The following RAMP1 variants were observed in gnomAD, a reference collection of about 807,000 sequenced individuals.
RAMP1 encodes receptor activity modifying protein 1.
A neutral mutation model predicts 8.2 loss-of-function variants in RAMP1; 7 were observed. The observed-to-expected ratio is 0.85, with a 90% CI of 0.49 to 1.60. The LOEUF is 1.60. Among genes scored for constraint, RAMP1 ranks in the 40% most tolerant of loss-of-function variants. RAMP1 has a pLI of 0.00. For synonymous variants in RAMP1, 92 were observed against 84.7 expected, an observed-to-expected ratio of 1.09 and a Z score of -0.47; for missense variants, 192 against 202.4, an observed-to-expected ratio of 0.95 and a Z score of 0.31.
rs1398577876 is a variant in RAMP1, at chr2:237,865,558, G to A, written c.52+5831G>A. Among the ~76,000 whole-genome samples, 1 of 152,214 alleles carries A rather than the reference G, an allele frequency of 6.6e-6. No homozygotes were observed. The highest frequency in any genetic ancestry group is 1.5e-5 in the Non-Finnish European group (1 of 68,032). On this transcript the variant is annotated intron_variant, in intron 1 of 2. Transcript: ENST00000254661. The surrounding 1 kb of genome is among the most constrained non-coding windows in gnomAD (Gnocchi z 4.2). ...CTCCTGTCATTTGCTGCACCTGGCA[G>A]CCCCGTCCTCAGCAGCCACATGGGG...
At position 237,877,395 on chromosome 2, in the gene RAMP1, G is replaced by T. The variant is rs542472424; in HGVS notation, c.191+33G>T. The T allele has an allele frequency of 6.3e-7, 1 of 1,592,458 alleles. No homozygotes were observed. Among genetic ancestry groups the T allele is most frequent in the African/African-American group, 1.3e-5 (1 of 74,626 alleles). ...CCATGGCCCCTGGTGGGCAGGACAC[G>T]GTTGGGGAGGGAGAGGGGGCAAGCG... On this transcript the variant is annotated intron_variant, in intron 2 of 2. Transcript: ENST00000254661. This position sits in a 1 kb window ranked among gnomAD's most constrained non-coding sequence, Gnocchi z 4.4.
At chr2:237,861,390 G>C (rs759632853) in intron 1 of RAMP1, among the ~76,000 whole-genome samples, 1 of 152,190 alleles carries the variant, frequency 6.6e-6, no homozygotes, top group Non-Finnish European at 1.5e-5. Flanking sequence ...AGCACAGGCT[G>C]TTTCCTTCCC....
At chr2:237,863,552 C>T (rs1056122200) in intron 1 of RAMP1, among the ~76,000 whole-genome samples, 2 of 152,180 alleles carry the variant, frequency 1.3e-5, no homozygotes, top group Admixed American at 6.5e-5. Flanking sequence ...CTCACTTCAC[C>T]GAATGATGTT....
rs1576528783 is a variant in RAMP1, at chr2:237,861,204, C to T, written c.52+1477C>T. On this transcript the variant is annotated intron_variant, in intron 1 of 2. Coordinates refer to ENST00000254661, the MANE Select transcript of RAMP1 (RefSeq NM_005855.4). ...CTATGTCACGATCACATATAAAGAC[C>T]TTCCTTGTTTACCGAGAAAACTATT... Among the ~76,000 whole-genome samples, 4 of 152,200 alleles carry T rather than the reference C, an allele frequency of 2.6e-5. No homozygotes were observed. The South Asian group carries it at 8.3e-4, about 32-fold the overall frequency.
At chr2:237,889,892 C>G (rs1472200218) in intron 2 of RAMP1, among the ~76,000 whole-genome samples, 1 of 152,160 alleles carries the variant, frequency 6.6e-6, no homozygotes, top group African/African-American at 2.4e-5. Flanking sequence ...TCCCAAAGTG[C>G]TGGGATTACA....
At chr2:237,875,711 C>G (rs1478465367) in intron 1 of RAMP1, among the ~76,000 whole-genome samples, 2 of 152,188 alleles carry the variant, frequency 1.3e-5, no homozygotes, top group African/African-American at 4.8e-5. Context: ...CTCAGCCTCT[C>G]TGGTCAGCAC....
At chr2:237,866,956 C>T (rs1407769035) in intron 1 of RAMP1, among the ~76,000 whole-genome samples, 1 of 152,082 alleles carries the variant, frequency 6.6e-6, no homozygotes, top group African/African-American at 2.4e-5. Flanking sequence ...CTCAAACTCC[C>T]AACCTCAAGT....
chr2:237,859,897 G>A, intron 1 of RAMP1, 170 bp downstream of exon 1: 1 of 604,990 alleles, frequency 1.7e-6, no homozygotes. Flanking sequence ...CAGGCGGGAG[G>A]CCCCAGGGCA....
At chr2:237,888,304 G>A (rs188957141) in intron 2 of RAMP1, among the ~76,000 whole-genome samples, 17 of 152,208 alleles carry the variant, frequency 1.1e-4, no homozygotes, top group Admixed American at 6.5e-4. Context: ...ATCCACCTCC[G>A]CCTCTCAAAG....
Position 237,874,103 on chromosome 2 carries a change from G to T in RAMP1, c.53-3121G>T, listed in dbSNP as rs1018634385. Among the ~76,000 whole-genome samples, 104 of 152,230 alleles carry T rather than the reference G, an allele frequency of 6.8e-4. 2 individuals carry two copies. The highest frequency in any genetic ancestry group is 2.5e-3 in the African/African-American group (103 of 41,458). Reference sequence around the variant, plus strand: ...GGGACCAGCCCAGAGCCAGGCCAGGGTCAAGGCCACCGGACCAGCCCTGCA... The same window carrying T: ...GGGACCAGCCCAGAGCCAGGCCAGGTTCAAGGCCACCGGACCAGCCCTGCA... On this transcript the variant is annotated intron_variant, in intron 1 of 2. Transcript: ENST00000254661.
intron 2 of RAMP1, among the ~76,000 whole-genome samples, chr2:237,900,867 G>A (rs186311184): frequency 3.3e-4 from 50 of 152,046 alleles, no homozygotes; most frequent in African/African-American, 9.9e-4. Flanking sequence ...TCTTTTTGCC[G>A]CCTAACACAG....
chr2:237,877,653 C>A lies in RAMP1; in HGVS notation c.191+291C>A, dbSNP rs2062322720. Among the ~76,000 whole-genome samples the A allele has an allele frequency of 6.6e-6, 1 of 152,182 alleles. No homozygotes were observed. The highest frequency in any genetic ancestry group is 2.4e-5 in the African/African-American group (1 of 41,446). On this transcript the variant is annotated intron_variant, in intron 2 of 2. Coordinates refer to ENST00000254661, the MANE Select transcript of RAMP1 (RefSeq NM_005855.4). The surrounding 1 kb of genome is among the most constrained non-coding windows in gnomAD (Gnocchi z 4.4). ...CCGCGGCCTCTCCAAGGGCAGGCGC[C>A]TGGGGAATGACTGAGAGTAGGGTCT...
intron 2 of RAMP1, among the ~76,000 whole-genome samples, chr2:237,895,381 T>G (rs1288144294): frequency 6.6e-6 from 1 of 152,052 alleles, no homozygotes; most frequent in Non-Finnish European, 1.5e-5. Flanking sequence ...CTGAACCCAT[T>G]TTAAAGGTGA....
At chr2:237,859,064 C>T (rs111708618), upstream of RAMP1, 1,571 of 152,706 alleles carry the variant, frequency 0.01, 14 homozygotes, top group Non-Finnish European at 0.016. Flanking sequence ...GTTCACCTGC[C>T]GTGCTGTCCC....
At chr2:237,882,914 G>A (rs78250488) in intron 2 of RAMP1, among the ~76,000 whole-genome samples, 18,593 of 152,074 alleles carry the variant, frequency 0.12, 1,367 homozygotes, top group African/African-American at 0.21. Flanking sequence ...ACAGCCAGGT[G>A]GCTGGCCTCA....
intron 1 of RAMP1, among the ~76,000 whole-genome samples, chr2:237,875,228 G>T (rs78840377): frequency 0.012 from 1,788 of 152,238 alleles, 40 homozygotes; most frequent in African/African-American, 0.041. Flanking sequence ...CTGACTGGGG[G>T]TGAAAGAAGC....
Position 237,911,695 on chromosome 2 carries a change from A to G in RAMP1, c.359A>G (p.Tyr120Cys). The G allele has an allele frequency of 6.2e-7, 1 of 1,613,736 alleles. No individual in the cohort carries two copies. Among genetic ancestry groups the G allele is most frequent in the Non-Finnish European group, 8.5e-7 (1 of 1,179,896 alleles). The change falls in exon 3 of 3, where the codon TAC becomes TGC. Residue 120 changes from tyrosine to cysteine, a missense_variant. Coordinates refer to ENST00000254661, the MANE Select transcript of RAMP1 (RefSeq NM_005855.4). ...CGGGACCCGCCCGGCAGCATCCTCT[A>G]CCCCTTCATCGTGGTCCCCATCACG... ...AVRDPPGSIL[Y>C]PFIVVPITVT...
chr2:237,869,609 G>A (rs1173399305), intron 1 of RAMP1, among the ~76,000 whole-genome samples: 5 of 152,124 alleles, frequency 3.3e-5, no homozygotes, highest in Non-Finnish European at 7.4e-5. Context: ...TCCTTTTGAA[G>A]GCCAAATAAT....
In RAMP1 at chr2:237,911,648, C is replaced by T; in HGVS notation, c.312C>T (p.Cys104=). ...TGCATGGCCGCTACTTCAGGAGCTGCCCCATCTCAGGCAGGGCCGTGCGGG... is the reference window on the plus strand; with the variant it reads ...TGCATGGCCGCTACTTCAGGAGCTGTCCCATCTCAGGCAGGGCCGTGCGGG... ...LAVHGRYFRS[C]PISGRAVRDP... is the part of the protein sequence containing the mutation. Residue 104 remains cysteine, a synonymous_variant, in exon 3 of 3, where the codon TGC becomes TGT. Coordinates refer to ENST00000254661, the MANE Select transcript of RAMP1 (RefSeq NM_005855.4). 6.2e-7 allele frequency: 1 copy of T among 1,614,122 alleles called. No individual in the cohort carries two copies. Among genetic ancestry groups the T allele is most frequent in the Non-Finnish European group, 8.5e-7 (1 of 1,180,014 alleles).
Sources: allele counts gnomAD v4.1 joint callset (sites outside exome capture counted in the v4.1 genomes callset), GRCh38; gene constraint gnomAD v4.1.1; non-coding constraint Gnocchi (gnomAD v3.1); transcripts MANE v1.5; gene names NCBI Gene and HGNC (gene_info 2026-07-23, HGNC 2026-07-21).